The following YLPM1 variants were observed in gnomAD, a reference collection of about 807,000 sequenced individuals.
YLPM1 encodes YLP motif-containing protein 1.
In YLPM1, 99 loss-of-function variants were observed where a neutral mutation model predicts 230.0. That is an observed-to-expected ratio of 0.43 (90% CI 0.37 to 0.51). The LOEUF (loss-of-function observed/expected upper bound fraction) is 0.51, where lower values mean the gene tolerates loss of function less well. Among genes scored for constraint, YLPM1 ranks in the 20% least tolerant of loss-of-function variants. The pLI is 0.00. For synonymous variants in YLPM1, 984 were observed against 942.5 expected (o/e 1.04, Z -0.81); for missense variants, 2,592 against 2,707.7 (o/e 0.96, Z 0.95).
At chr14:74,825,611 C>T (rs896059345) in intron 18 of YLPM1, among the ~76,000 whole-genome samples, 1 of 152,008 alleles carries the variant, frequency 6.6e-6, no homozygotes, top group Non-Finnish European at 1.5e-5. Context: ...CTGCTTATTT[C>T]GACGTTAGAT....
At chr14:74,827,398 TTTC>T in intron 18 of YLPM1, 5 of 985,450 alleles carry the variant, frequency 5.1e-6, no homozygotes, top group Non-Finnish European at 6.0e-6. Flanking sequence ...GGTGTGAGCC[TTTC>T]TTCAGCCCAA....
chr14:74,813,301 A>G (rs1332136055), intron 11 of YLPM1, among the ~76,000 whole-genome samples: 1 of 152,190 alleles, frequency 6.6e-6, no homozygotes, highest in African/African-American at 2.4e-5. Context: ...CTATATAGCT[A>G]CTTGACCTTT....
chr14:74,822,853 T>C (rs891316333), intron 17 of YLPM1, among the ~76,000 whole-genome samples: 2 of 151,900 alleles, frequency 1.3e-5, no homozygotes, highest in Admixed American at 6.6e-5. Flanking sequence ...AAGATAATCG[T>C]TTGTAGGGGA....
chr14:74,779,992 C>T (rs540136350), intron 2 of YLPM1, among the ~76,000 whole-genome samples: 50 of 151,970 alleles, frequency 3.3e-4, no homozygotes, highest in Non-Finnish European at 5.6e-4. Context: ...TTAGTAGAGA[C>T]GGGGTTTCAC....
intron 13 of YLPM1, 38 bp downstream of exon 13, chr14:74,816,728 A>G (rs1566762676): frequency 1.9e-6 from 3 of 1,572,354 alleles, no homozygotes; most frequent in Admixed American, 2.0e-5. Context: ...TGATTCATTA[A>G]TAGTATTTAA....
At chr14:74,794,189 T>C (rs577896269) in intron 4 of YLPM1, among the ~76,000 whole-genome samples, 14 of 151,690 alleles carry the variant, frequency 9.2e-5, no homozygotes, top group Non-Finnish European at 1.8e-4. Flanking sequence ...CCTTTCTCTC[T>C]CTTTTTTTTT....
chr14:74,803,883 C>T lies in YLPM1; in HGVS notation c.4521+1207C>T, dbSNP rs192397855. Among the ~76,000 whole-genome samples, 73 of 152,224 alleles carry T rather than the reference C, an allele frequency of 4.8e-4. 1 individual carries two copies. Among genetic ancestry groups the T allele is most frequent in the Middle Eastern group, 3.4e-3 (1 of 294 alleles). ...AAAGATAAAAAAATTCTCGGCCAGG[C>T]GCGGTGGCTCACACCTGTAATCCCA... On this transcript the variant is annotated intron_variant, in intron 6 of 20. Coordinates refer to ENST00000325680, the MANE Select transcript of YLPM1 (RefSeq NM_019589.3).
At position 74,799,568 on chromosome 14, in the gene YLPM1, A is replaced by G. The variant is rs183010894; in HGVS notation, c.4271A>G (p.His1424Arg). Reference protein sequence around the residue: ...SPMAEHMPSSHHSSEMMGSDA... With the variant: ...SPMAEHMPSSRHSSEMMGSDA... ...ATGGCGGAACATATGCCCTCCTCACATCATTCCTCAGAAATGATGGGGTCC... is the reference window on the plus strand; with the variant it reads ...ATGGCGGAACATATGCCCTCCTCACGTCATTCCTCAGAAATGATGGGGTCC... The change falls in exon 5 of 21, where the codon CAT (histidine) becomes CGT (arginine). Residue 1424 changes from histidine (H) to arginine (R), a missense_variant. Transcript: ENST00000325680. 2.8e-5 allele frequency: 45 copies of G among 1,613,982 alleles called. No individual in the cohort carries two copies. The East Asian group carries it at 7.4e-4, about 26-fold the overall frequency.
chr14:74,810,910 A>C (rs1441463602), intron 9 of YLPM1, among the ~76,000 whole-genome samples: 2 of 151,836 alleles, frequency 1.3e-5, no homozygotes, highest in Non-Finnish European at 2.9e-5. Flanking sequence ...TGCAGCCTCC[A>C]CCTCCTGGGC....
At chr14:74,787,825 G>A (rs776683732) in intron 4 of YLPM1, among the ~76,000 whole-genome samples, 125 of 152,052 alleles carry the variant, frequency 8.2e-4, no homozygotes, top group Non-Finnish European at 1.3e-3. Flanking sequence ...GACCAGCCAG[G>A]CCAACATGGG....
In YLPM1 at chr14:74,763,605, C is replaced by T. The variant is rs200503260; in HGVS notation, c.116C>T (p.Ser39Leu). 1,765 of 1,592,440 alleles carry T rather than the reference C, an allele frequency of 1.1e-3. 36 individuals are homozygous for T. In the Admixed American group the frequency reaches 0.029, roughly 27 times the overall value. Residue 39 changes from serine to leucine, a missense_variant, in exon 1 of 21, where the codon TCG becomes TTG. Ser to Leu is a moderately radical substitution (Grantham distance 145). Transcript: ENST00000325680. ...EASPGPGYSS[S>L]TTPAAPSSSG... ...TCGCCGGGGCCCGGGTACTCGAGCT[C>T]GACGACTCCCGCGGCCCCCTCCTCC...
At chr14:74,776,961 C>T (rs575534219) in intron 1 of YLPM1, among the ~76,000 whole-genome samples, 9 of 151,972 alleles carry the variant, frequency 5.9e-5, no homozygotes, top group African/African-American at 1.9e-4. Flanking sequence ...GAGGTTGAAG[C>T]GGGAGGATCA....
Position 74,798,190 on chromosome 14 carries a change from A to G in YLPM1, c.2893A>G (p.Met965Val). Residue 965 changes from methionine (M) to valine (V), a missense_variant, in exon 5 of 21, where the codon ATG becomes GTG. By Grantham distance (21) the Met-to-Val change is conservative. Transcript: ENST00000325680. Reference sequence around the variant, plus strand: ...TACTTTTCCTTCAAAAACAGGGGGGATGGAGGGAGGAACAGCAGTAGCAAC... The same window carrying G: ...TACTTTTCCTTCAAAAACAGGGGGGGTGGAGGGAGGAACAGCAGTAGCAAC... ...QSTFPSKTGGMEGGTAVATSS... is the reference protein window; with the variant it reads ...QSTFPSKTGGVEGGTAVATSS... 2 of 1,613,786 alleles carry G rather than the reference A, an allele frequency of 1.2e-6. No homozygotes were observed. The highest frequency in any genetic ancestry group is 1.7e-6 in the Non-Finnish European group (2 of 1,179,864).
intron 4 of YLPM1, among the ~76,000 whole-genome samples, chr14:74,795,509 A>G (rs2091251073): frequency 6.6e-6 from 1 of 152,228 alleles, no homozygotes; most frequent in South Asian, 2.1e-4. Context: ...CCTTGGAATC[A>G]TCTTAAATTC....
intron 16 of YLPM1, among the ~76,000 whole-genome samples, chr14:74,819,200 A>G (rs1443491483): frequency 6.6e-6 from 1 of 152,062 alleles, no homozygotes; most frequent in Non-Finnish European, 1.5e-5. Context: ...GATGGAAGGA[A>G]AAATTTTCTA....
chr14:74,810,170 C>T (rs944898243), intron 8 of YLPM1, 55 bp from the exon 9 acceptor site: 6 of 1,561,272 alleles, frequency 3.8e-6, no homozygotes, highest in Non-Finnish European at 5.2e-6. Flanking sequence ...TTATAGTTTT[C>T]TGCTTTTATT....
chr14:74,789,562 T>C (rs1319555284), intron 4 of YLPM1, among the ~76,000 whole-genome samples: 4 of 151,948 alleles, frequency 2.6e-5, no homozygotes, highest in African/African-American at 9.7e-5. Flanking sequence ...TTTGTAGGCC[T>C]TGTGGGTCAC....
intron 6 of YLPM1, among the ~76,000 whole-genome samples, chr14:74,805,203 G>T (rs1197014946): frequency 6.6e-6 from 1 of 151,642 alleles, no homozygotes; most frequent in Admixed American, 6.6e-5. Context: ...TGTATTTTTA[G>T]TAGAGACAGG....
intron 4 of YLPM1, among the ~76,000 whole-genome samples, chr14:74,789,643 T>C (rs1366105967): frequency 6.6e-6 from 1 of 151,584 alleles, no homozygotes; most frequent in East Asian, 1.9e-4. Flanking sequence ...AAAAATTTTA[T>C]TGAGGCAGGG....
Sources: gnomAD v4.1 joint callset for allele counts (sites outside exome capture counted in the v4.1 genomes callset) on GRCh38, gnomAD v4.1.1 for gene constraint, MANE v1.5 for transcripts, NCBI Gene and HGNC (gene_info 2026-07-23, HGNC 2026-07-21) for gene names.